Variants in CCNJL observed in about 807,000 individuals in gnomAD.
CCNJL encodes the protein cyclin J like.
In CCNJL, 33 loss-of-function variants were observed where a neutral mutation model predicts 33.4. The observed-to-expected ratio is 0.99, with a 90% CI of 0.75 to 1.32. The LOEUF is 1.32. Among genes scored for constraint, CCNJL ranks in the 40% most tolerant of loss-of-function variants. CCNJL has a pLI of 0.00. For missense variants in CCNJL, 512 were observed against 499.7 expected, an observed-to-expected ratio of 1.02 and a Z score of -0.23; for synonymous variants, 227 against 220.9, an observed-to-expected ratio of 1.03 and a Z score of -0.24.
At chr5:160,331,776 A>G (rs73819832) in intron 1 of CCNJL, among the ~76,000 whole-genome samples, 19,303 of 152,146 alleles carry the variant, frequency 0.13, 1,525 homozygotes, top group African/African-American at 0.22. Context: ...GCCTTCCAGT[A>G]AAGTCACCAT....
chr5:160,269,365 CA>C (rs1761737803), intron 3 of CCNJL: 3 of 455,200 alleles, frequency 6.6e-6, no homozygotes, highest in Non-Finnish European at 1.3e-5. Flanking sequence ...CTGCATCCCA[CA>C]AGTGCTTCTG....
At chr5:160,308,277 G>A (rs1157980551) in intron 2 of CCNJL, among the ~76,000 whole-genome samples, 2 of 152,180 alleles carry the variant, frequency 1.3e-5, no homozygotes, top group Non-Finnish European at 2.9e-5. Flanking sequence ...TAACATTGCT[G>A]TAAAACGTTT....
intron 1 of CCNJL, among the ~76,000 whole-genome samples, chr5:160,320,830 T>TTTCTTTCTTTCC (rs1561812461): frequency 9.3e-4 from 117 of 125,764 alleles, no homozygotes; most frequent in African/African-American, 3.2e-3. Flanking sequence ...TCTTTCTTTC[T>TTTCTTTCTTTCC]TTCTTTCTTT....
chr5:160,320,321 A>G (rs377709814), intron 1 of CCNJL, among the ~76,000 whole-genome samples: 2 of 152,070 alleles, frequency 1.3e-5, no homozygotes, highest in African/African-American at 4.8e-5. Context: ...CCTTCCTTCC[A>G]TGGGCCTCAG....
Position 160,255,381 on chromosome 5 carries a change from A to C in CCNJL, c.743+168T>G, listed in dbSNP as rs1171805243. ...CAAAATAGGAAGAACTGGTTCTCGA[A>C]ACCCCACTTCTACCAGGAGTCACCA... On this transcript the variant is annotated intron_variant, in intron 5 of 5. Coordinates refer to ENST00000257536, the MANE Select transcript of CCNJL (RefSeq NM_001308173.3). 32 of 566,402 alleles carry C rather than the reference A, an allele frequency of 5.6e-5. No homozygotes were observed. In the South Asian group the frequency reaches 6.2e-4, roughly 11 times the overall value. 35.1% of individuals were successfully genotyped at this position (566,402 alleles called of 1,614,324 possible). A position where few individuals can be genotyped will look rare whatever the true frequency, so the allele number is the denominator to read the frequency against.
chr5:160,312,524 C>A lies in CCNJL; in HGVS notation c.-210G>T, dbSNP rs1167517249. On this transcript the variant is annotated 5_prime_UTR_variant, in exon 1 of 6. Coordinates refer to ENST00000257536, the MANE Select transcript of CCNJL (RefSeq NM_001308173.3). ...CGACTAGCCCCCGCCGTCGCCGCGCCCCTGCGTGCGCTCGGGTCCCGCCGC... is the reference window on the plus strand; with the variant it reads ...CGACTAGCCCCCGCCGTCGCCGCGCACCTGCGTGCGCTCGGGTCCCGCCGC... 6.6e-6 allele frequency: 1 copy of A among 151,730 alleles called. No individual in the cohort carries two copies. The highest frequency in any genetic ancestry group is 1.5e-5 in the Non-Finnish European group (1 of 67,936). 9.4% of individuals were successfully genotyped at this position (151,730 alleles called of 1,614,324 possible).
intron 2 of CCNJL, chr5:160,281,060 A>C (rs1020218005): frequency 5.2e-6 from 2 of 386,866 alleles, no homozygotes; most frequent in African/African-American, 4.8e-5. Context: ...TCTAAGTCCA[A>C]ATTCTTTTTT....
Position 160,269,368 on chromosome 5 carries a change from G to C in CCNJL, c.281-9597C>G, listed in dbSNP as rs568825608. The C allele has an allele frequency of 1.6e-4, 74 of 455,638 alleles. 1 individual carries two copies. Among genetic ancestry groups the C allele is most frequent in the South Asian group, 5.1e-4 (33 of 64,508 alleles). 28.2% of individuals were successfully genotyped at this position (455,638 alleles called of 1,614,324 possible). ...GGCATCTGGGGCCTGCATCCCACAAGTGCTTCTGTCCTCGTACGGAGGATA... is the reference window on the plus strand; with the variant it reads ...GGCATCTGGGGCCTGCATCCCACAACTGCTTCTGTCCTCGTACGGAGGATA... On this transcript the variant is annotated intron_variant, in intron 3 of 5. Transcript: ENST00000257536.
upstream of CCNJL, among the ~76,000 whole-genome samples, chr5:160,316,381 A>G (rs1255768962): frequency 6.6e-6 from 1 of 152,044 alleles, no homozygotes; most frequent in Non-Finnish European, 1.5e-5. Context: ...GATTTAGAGC[A>G]AGTGCATTCT....
Position 160,283,427 on chromosome 5 carries a change from T to C in CCNJL, c.67-2689A>G, listed in dbSNP as rs534642129. Among the ~76,000 whole-genome samples the C allele has an allele frequency of 8.5e-5, 13 of 152,336 alleles. No individual in the cohort carries two copies. In the South Asian group the frequency reaches 2.1e-3, roughly 24 times the overall value. ...CTGTTCTGTCATTAGATAGTGGTGA[T>C]GATTGTATAGCTCTGTGAATACACA... On this transcript the variant is annotated intron_variant, in intron 2 of 5. Coordinates refer to ENST00000257536, the MANE Select transcript of CCNJL (RefSeq NM_001308173.3).
intron 2 of CCNJL, among the ~76,000 whole-genome samples, chr5:160,305,694 G>A (rs938616072): frequency 8.5e-5 from 13 of 152,194 alleles, no homozygotes; most frequent in African/African-American, 2.4e-4. Context: ...ATGAATTTAC[G>A]TTCAAGCTTT....
chr5:160,263,038 C>T (rs754190230), intron 3 of CCNJL, among the ~76,000 whole-genome samples: 31 of 152,232 alleles, frequency 2.0e-4, no homozygotes, highest in Non-Finnish European at 1.9e-4. Context: ...TTCTCTGATG[C>T]ACTTTTGATT....
At chr5:160,331,471 G>A (rs1276857985) in intron 1 of CCNJL, among the ~76,000 whole-genome samples, 1 of 151,538 alleles carries the variant, frequency 6.6e-6, no homozygotes, top group Non-Finnish European at 1.5e-5. Flanking sequence ...TGATCCGCCT[G>A]CCTCAGCCTC....
intron 2 of CCNJL, among the ~76,000 whole-genome samples, chr5:160,298,135 C>T (rs1360207105): frequency 6.6e-6 from 1 of 152,166 alleles, no homozygotes; most frequent in African/African-American, 2.4e-5. Flanking sequence ...AACATTTAAC[C>T]CCTCAGAAGC....
chr5:160,292,603 A>G (rs990404839), intron 2 of CCNJL, among the ~76,000 whole-genome samples: 1 of 152,164 alleles, frequency 6.6e-6, no homozygotes, highest in African/African-American at 2.4e-5. Context: ...CCTGGGTGAC[A>G]GTGAGACCCT....
chr5:160,329,373 C>G (rs1476671426), intron 1 of CCNJL, among the ~76,000 whole-genome samples: 1 of 139,646 alleles, frequency 7.2e-6, no homozygotes, highest in Non-Finnish European at 1.5e-5. Flanking sequence ...TTTTTTGAGA[C>G]AGAGTCTCGC....
At chr5:160,304,168 G>C (rs1022167670) in intron 2 of CCNJL, among the ~76,000 whole-genome samples, 4 of 152,178 alleles carry the variant, frequency 2.6e-5, no homozygotes, top group Non-Finnish European at 5.9e-5. Context: ...TCTTGACTGG[G>C]TATCGTGCAC....
chr5:160,287,841 GC>G (rs1186001269), intron 2 of CCNJL, among the ~76,000 whole-genome samples: 1 of 152,184 alleles, frequency 6.6e-6, no homozygotes, highest in Non-Finnish European at 1.5e-5. Flanking sequence ...GCCTGGCAGG[GC>G]CACAGGCGGT....
intron 3 of CCNJL, among the ~76,000 whole-genome samples, chr5:160,270,027 T>C (rs1007222739): frequency 3.3e-5 from 5 of 152,176 alleles, no homozygotes; most frequent in African/African-American, 7.2e-5. Context: ...GTGTGACATA[T>C]AGGCTGGGCA....
Sources: allele counts gnomAD v4.1 joint callset (sites outside exome capture counted in the v4.1 genomes callset), GRCh38; gene constraint gnomAD v4.1.1; transcripts MANE v1.5; gene names NCBI Gene and HGNC (gene_info 2026-07-23, HGNC 2026-07-21).